USP40: variants seen among roughly 807,000 people sequenced by gnomAD.
USP40 encodes the protein ubiquitin carboxyl-terminal hydrolase 40.
USP40 carries 143 observed loss-of-function variants against 166.2 expected under a neutral mutation model. The ratio of observed to expected loss-of-function variants is 0.86; its 90% CI spans 0.75 to 0.99. USP40 has a LOEUF of 0.99. USP40 is among the 50% of genes least tolerant of loss of function. The pLI, the probability that USP40 is intolerant of heterozygous loss-of-function variation, is 0.00. For synonymous variants in USP40, 498 were observed against 524.0 expected (o/e 0.95, Z 0.68); for missense variants, 1,444 against 1,479.7 (o/e 0.98, Z 0.40).
chr2:233,532,263 T>C (rs1034331574), intron 11 of USP40, among the ~76,000 whole-genome samples: 2 of 152,174 alleles, frequency 1.3e-5, no homozygotes, highest in African/African-American at 4.8e-5. Context: ...TTGCCAGCTA[T>C]GTCTTCGTTT....
chr2:233,491,648 G>A (rs72982309), intron 25 of USP40, among the ~76,000 whole-genome samples: 309 of 151,960 alleles, frequency 2.0e-3, no homozygotes, highest in Non-Finnish European at 3.9e-3. Context: ...GTCTGTCTGT[G>A]TGCAGGCGTT....
chr2:233,481,352 T>A (rs901231479), intron 30 of USP40, 55 bp from the exon 31 acceptor site: 19 of 1,472,442 alleles, frequency 1.3e-5, no homozygotes, highest in Non-Finnish European at 1.6e-5. Context: ...TTAGCCTACA[T>A]TTAAAAGAGG....
chr2:233,543,398 T>A (rs766259829), intron 8 of USP40, among the ~76,000 whole-genome samples: 1 of 152,024 alleles, frequency 6.6e-6, no homozygotes, highest in Non-Finnish European at 1.5e-5. Context: ...TCTTCTGAGG[T>A]CAAAAAAGTG....
chr2:233,488,028 A>C (rs1412823495), intron 28 of USP40: 2 of 703,094 alleles, frequency 2.8e-6, no homozygotes, highest in East Asian at 5.6e-5. Flanking sequence ...TGAAAAATTA[A>C]TTCTCCCTTA....
Position 233,485,864 on chromosome 2 carries a change from C to T in USP40, c.3311G>A (p.Arg1104Lys), listed in dbSNP as rs375791080. 1 of 1,608,704 alleles carries T rather than the reference C, an allele frequency of 6.2e-7. No individual in the cohort carries two copies. The highest frequency in any genetic ancestry group is 1.3e-5 in the African/African-American group (1 of 74,750). Reference protein sequence around the residue: ...AAQGGTAGSLRQRVADFYRLP... With the variant: ...AAQGGTAGSLKQRVADFYRLP... The stretch of plus-strand genomic sequence containing the variant: ...ACGATAGAAATCGGCAACTCTCTGC[C>T]TCAGGGAGCCGGCAGTCCCACCCTG... The change falls in exon 29 of 32, where the codon AGG (arginine) becomes AAG (lysine). Residue 1104 changes from arginine (R) to lysine (K), a missense_variant. Arg to Lys is a conservative substitution (Grantham distance 26). Transcript: ENST00000678225.
At chr2:233,529,353 T>C in intron 12 of USP40, 78 bp downstream of exon 12, 1 of 1,210,216 alleles carries the variant, frequency 8.3e-7, no homozygotes, top group Non-Finnish European at 1.1e-6. Flanking sequence ...TTAATTTTCA[T>C]TACTGAATGC....
At position 233,518,731 on chromosome 2, in the gene USP40, C is replaced by G. The variant is rs571840835; in HGVS notation, c.2383+883G>C. Reference sequence around the variant, plus strand: ...AGTTAAACATAAATTTGCAAATGACCCAGCAATTCCAATCCGGTACATGTA... The same window carrying G: ...AGTTAAACATAAATTTGCAAATGACGCAGCAATTCCAATCCGGTACATGTA... On this transcript the variant is annotated intron_variant, in intron 18 of 31. Coordinates refer to ENST00000678225, the MANE Select transcript of USP40 (RefSeq NM_001365479.2). Among the ~76,000 whole-genome samples the G allele has an allele frequency of 5.9e-4, 90 of 151,930 alleles. 1 individual carries two copies. Among genetic ancestry groups the G allele is most frequent in the Non-Finnish European group, 8.4e-4 (57 of 67,960 alleles).
intron 30 of USP40, among the ~76,000 whole-genome samples, chr2:233,483,315 C>A (rs1347606335): frequency 6.6e-6 from 1 of 152,034 alleles, no homozygotes; most frequent in Non-Finnish European, 1.5e-5. Context: ...CACGGCATAA[C>A]CCCGTCTCTA....
rs1214977007 is a variant in USP40 at position 233,477,168 on chromosome 2, G to A, written c.*224C>T. Reference sequence around the variant, plus strand: ...AGAGCCCAGCACCTACTGGCAGCTGGGTGGGCGACATCCAGAGCTGCACCA... The same window carrying A: ...AGAGCCCAGCACCTACTGGCAGCTGAGTGGGCGACATCCAGAGCTGCACCA... On this transcript the variant is annotated 3_prime_UTR_variant, in exon 32 of 32. Transcript: ENST00000678225. The A allele has an allele frequency of 1.8e-6, 1 of 550,708 alleles. No homozygotes were observed. The highest frequency in any genetic ancestry group is 3.3e-6 in the Non-Finnish European group (1 of 303,962). 34.1% of individuals were successfully genotyped at this position (550,708 alleles called of 1,614,324 possible). A position where few individuals can be genotyped will look rare whatever the true frequency, so the allele number is the denominator to read the frequency against.
At chr2:233,555,284 T>C (rs964714609) in intron 5 of USP40, among the ~76,000 whole-genome samples, 1 of 152,226 alleles carries the variant, frequency 6.6e-6, no homozygotes, top group African/African-American at 2.4e-5. Context: ...TGAAATCTGC[T>C]ATAACTACAT....
intron 18 of USP40, among the ~76,000 whole-genome samples, chr2:233,516,687 CAAA>C (rs763405308): frequency 4.6e-5 from 5 of 109,074 alleles, no homozygotes; most frequent in Non-Finnish European, 3.9e-5. Context: ...GACTCCATCT[CAAA>C]AAAAAAAAAA....
At position 233,480,818 on chromosome 2, in the gene USP40, C is replaced by T. The variant is rs936325516; in HGVS notation, c.3599+385G>A. Among the ~76,000 whole-genome samples the T allele has an allele frequency of 3.3e-5, 5 of 152,106 alleles. No homozygotes were observed. The highest frequency in any genetic ancestry group is 5.9e-5 in the Non-Finnish European group (4 of 68,024). On this transcript the variant is annotated intron_variant, in intron 31 of 31. Coordinates refer to ENST00000678225, the MANE Select transcript of USP40 (RefSeq NM_001365479.2). This position sits in a 1 kb window ranked among gnomAD's most constrained non-coding sequence, Gnocchi z 4.5. ...GAGAGCGGGAGAAGGACAGGGAGCC[C>T]GCAGCAGGGCTGAGGTGGCAGCAAG...
chr2:233,525,413 G>A (rs145491490), intron 14 of USP40, 65 bp downstream of exon 14: 179 of 1,206,128 alleles, frequency 1.5e-4, no homozygotes, highest in African/African-American at 1.4e-3. Flanking sequence ...GTAGAAAATC[G>A]CAGGTGAGCC....
At chr2:233,513,807 C>G (rs1259290405) in intron 18 of USP40, among the ~76,000 whole-genome samples, 2 of 151,178 alleles carry the variant, frequency 1.3e-5, no homozygotes, top group African/African-American at 4.9e-5. Flanking sequence ...AGGGGCATAC[C>G]AAGTTTTCAG....
chr2:233,513,399 C>T (rs140199899), intron 18 of USP40, among the ~76,000 whole-genome samples: 6 of 152,280 alleles, frequency 3.9e-5, no homozygotes, highest in African/African-American at 1.4e-4. Context: ...CAACTACATG[C>T]TTTGCTGTCT....
chr2:233,503,029 G>A (rs944636290), intron 21 of USP40, among the ~76,000 whole-genome samples: 10 of 152,218 alleles, frequency 6.6e-5, no homozygotes, highest in African/African-American at 1.7e-4. Flanking sequence ...AACAAACCCC[G>A]AAGAAAAGTA....
chr2:233,540,110 G>A (rs1335879709), intron 10 of USP40, among the ~76,000 whole-genome samples: 1 of 143,546 alleles, frequency 7.0e-6, no homozygotes, highest in Non-Finnish European at 1.5e-5. Context: ...GGGCGACAGA[G>A]TGGACCTCAA....
chr2:233,482,320 C>T (rs990232055), intron 30 of USP40, among the ~76,000 whole-genome samples: 11 of 151,078 alleles, frequency 7.3e-5, no homozygotes, highest in African/African-American at 1.2e-4. Flanking sequence ...GTCAAGATTG[C>T]GCCACTGTAC....
chr2:233,561,504 T>G (rs1361078912), intron 3 of USP40, among the ~76,000 whole-genome samples: 1 of 148,488 alleles, frequency 6.7e-6, no homozygotes, highest in Admixed American at 6.7e-5. Context: ...CTGGGAAAAC[T>G]GGCTAGCCAT....
Sources: allele counts gnomAD v4.1 joint callset (sites outside exome capture counted in the v4.1 genomes callset), GRCh38; gene constraint gnomAD v4.1.1; non-coding constraint Gnocchi (gnomAD v3.1); transcripts MANE v1.5; gene names NCBI Gene and HGNC (gene_info 2026-07-23, HGNC 2026-07-21).